HORMAD2: variants seen among roughly 807,000 people sequenced by gnomAD.
The protein encoded by HORMAD2 is HORMA domain containing 2.
In HORMAD2, 45 loss-of-function variants were observed where a neutral mutation model predicts 38.8. The ratio of observed to expected loss-of-function variants is 1.16; its 90% CI spans 0.91 to 1.49. HORMAD2 has a LOEUF of 1.49. HORMAD2 is among the 40% of genes most tolerant of loss of function. The pLI is 0.00. For synonymous variants in HORMAD2, 126 were observed against 122.8 expected (o/e 1.03, Z -0.17); for missense variants, 338 against 367.0 (o/e 0.92, Z 0.65).
the HORMAD2 span, among the ~76,000 whole-genome samples, chr22:30,204,610 C>T: frequency 6.6e-6 from 1 of 152,154 alleles, no homozygotes; most frequent in Admixed American, 6.5e-5. Context: ...GATAAGGTGT[C>T]CCGGCTGTCC....
At chr22:30,084,808 G>A (rs2068541745) in intron 1 of HORMAD2, among the ~76,000 whole-genome samples, 1 of 151,916 alleles carries the variant, frequency 6.6e-6, no homozygotes, top group Non-Finnish European at 1.5e-5. Flanking sequence ...TATTTATTGA[G>A]TACCTATTTA....
chr22:30,202,148 C>T, the HORMAD2 span, among the ~76,000 whole-genome samples: 2 of 152,138 alleles, frequency 1.3e-5, no homozygotes, highest in Non-Finnish European at 2.9e-5. Flanking sequence ...CAAATATGTA[C>T]GAGGCCTGTT....
At chr22:30,159,339 C>T (rs1925302178) in intron 10 of HORMAD2, among the ~76,000 whole-genome samples, 1 of 152,202 alleles carries the variant, frequency 6.6e-6, no homozygotes, top group South Asian at 2.1e-4. Context: ...TACCACATCA[C>T]GGAAAATCTT....
chr22:30,133,466 CAT>C (rs60408642), intron 10 of HORMAD2, among the ~76,000 whole-genome samples: 6,368 of 147,182 alleles, frequency 0.043, 460 homozygotes, highest in African/African-American at 0.15. Flanking sequence ...TATATATATA[CAT>C]ATATATATAA....
intron 3 of HORMAD2, among the ~76,000 whole-genome samples, chr22:30,100,998 G>A (rs1920939587): frequency 6.6e-6 from 1 of 152,286 alleles, no homozygotes; most frequent in South Asian, 2.1e-4. Flanking sequence ...GTGTAAATTA[G>A]TTCAACCATT....
chr22:30,183,714 T>C, the HORMAD2 span, among the ~76,000 whole-genome samples: 1 of 152,128 alleles, frequency 6.6e-6, no homozygotes, highest in Non-Finnish European at 1.5e-5. Context: ...AAAAATAATA[T>C]AAGAAAATAT....
chr22:30,165,084 C>T (rs1251673836), intron 10 of HORMAD2, among the ~76,000 whole-genome samples: 1 of 152,108 alleles, frequency 6.6e-6, no homozygotes, highest in African/African-American at 2.4e-5. Flanking sequence ...GTCTTTGATC[C>T]TTTCTGAGTT....
At position 30,134,777 on chromosome 22, in the gene HORMAD2, C is replaced by T. The variant is rs143415822; in HGVS notation, c.819+12563C>T. On this transcript the variant is annotated intron_variant, in intron 10 of 10. Transcript: ENST00000336726. ...TTCAGTCAATAAATTTATATTGAGGCCTACTATGCTTGAGTCATCATAGGA... is the reference window on the plus strand; with the variant it reads ...TTCAGTCAATAAATTTATATTGAGGTCTACTATGCTTGAGTCATCATAGGA... Among the ~76,000 whole-genome samples the T allele has an allele frequency of 1.4e-3, 216 of 152,014 alleles. 3 individuals are homozygous for T. Among genetic ancestry groups the T allele is most frequent in the Non-Finnish European group, 1.9e-3 (127 of 67,974 alleles).
chr22:30,145,412 CAATAA>C (rs1294274309), intron 10 of HORMAD2, among the ~76,000 whole-genome samples: 4 of 151,726 alleles, frequency 2.6e-5, no homozygotes, highest in African/African-American at 7.3e-5. Context: ...AATTGTACCT[CAATAA>C]AATAAAAGGG....
the HORMAD2 span, among the ~76,000 whole-genome samples, chr22:30,199,875 T>C: frequency 6.6e-6 from 1 of 151,956 alleles, no homozygotes; most frequent in Non-Finnish European, 1.5e-5. Context: ...TTGGAGAGGC[T>C]GAGGTGGGTG....
the HORMAD2 span, among the ~76,000 whole-genome samples, chr22:30,202,640 C>G: frequency 2.0e-5 from 3 of 152,070 alleles, no homozygotes; most frequent in Admixed American, 6.5e-5. Flanking sequence ...TAACGAAGCT[C>G]AACAAACAAA....
At chr22:30,139,254 C>A (rs1056902348) in intron 10 of HORMAD2, among the ~76,000 whole-genome samples, 9 of 96,732 alleles carry the variant, frequency 9.3e-5, no homozygotes, top group African/African-American at 2.5e-4. Flanking sequence ...ATGAACTGTA[C>A]TATATATATA....
In HORMAD2 at chr22:30,104,396, G is replaced by T. The variant is rs776719900; in HGVS notation, c.258-5G>T. 7 of 1,609,026 alleles carry T rather than the reference G, an allele frequency of 4.4e-6. No homozygotes were observed. In the South Asian group the frequency reaches 7.8e-5, roughly 18 times the overall value. On this transcript the variant is annotated splice_polypyrimidine_tract_variant and splice_region_variant and intron_variant, in intron 4 of 10. Coordinates refer to ENST00000336726, the MANE Select transcript of HORMAD2 (RefSeq NM_152510.4). Reference sequence around the variant, plus strand: ...AATTGACATCAAACATTTATTTCTTGACAGGATTCAAGGTTGTTTTGATGC... The same window carrying T: ...AATTGACATCAAACATTTATTTCTTTACAGGATTCAAGGTTGTTTTGATGC...
intron 10 of HORMAD2, among the ~76,000 whole-genome samples, chr22:30,148,861 C>T (rs186820899): frequency 2.6e-5 from 4 of 152,130 alleles, no homozygotes; most frequent in East Asian, 1.9e-4. Context: ...AAAAGTTAGC[C>T]GGGCGTGGTG....
intron 5 of HORMAD2, among the ~76,000 whole-genome samples, chr22:30,108,831 C>G (rs1445377438): frequency 6.6e-6 from 1 of 152,250 alleles, no homozygotes; most frequent in East Asian, 1.9e-4. Context: ...ATCAAAATGG[C>G]CACACAGTGG....
At chr22:30,103,331 A>T (rs1920971543) in intron 3 of HORMAD2, 106 bp from the exon 4 acceptor site, 1 of 681,254 alleles carries the variant, frequency 1.5e-6, no homozygotes, top group Admixed American at 2.7e-5. Context: ...AAACTAAATA[A>T]ATTACATAAA....
At chr22:30,192,258 C>A in the HORMAD2 span, 1 of 152,186 alleles carries the variant, frequency 6.6e-6, no homozygotes, top group Non-Finnish European at 1.5e-5. Context: ...TAACAAATAC[C>A]AACAGTTTAA....
intron 10 of HORMAD2, among the ~76,000 whole-genome samples, chr22:30,138,123 A>G (rs1923796289): frequency 6.6e-6 from 1 of 152,112 alleles, no homozygotes. Context: ...AGTAAGTGGT[A>G]CCTCATTGTG....
chr22:30,088,564 A>G (rs2068627160), intron 1 of HORMAD2, among the ~76,000 whole-genome samples: 1 of 151,666 alleles, frequency 6.6e-6, no homozygotes, highest in African/African-American at 2.4e-5. Context: ...AATGTCTATG[A>G]TCATAGAGAA....
Sources: allele counts gnomAD v4.1 joint callset (sites outside exome capture counted in the v4.1 genomes callset), GRCh38; gene constraint gnomAD v4.1.1; transcripts MANE v1.5; gene names NCBI Gene and HGNC (gene_info 2026-07-23, HGNC 2026-07-21).